The following PNPT1 variants were observed in gnomAD, a reference collection of about 807,000 sequenced individuals.
The protein encoded by PNPT1 is polyribonucleotide nucleotidyltransferase 1, also known as polyribonucleotide nucleotidyltransferase 1, mitochondrial.
A neutral mutation model predicts 119.5 loss-of-function variants in PNPT1; 53 were observed. The observed-to-expected ratio is 0.44, with a 90% CI of 0.36 to 0.56. The LOEUF (loss-of-function observed/expected upper bound fraction) is 0.56. Ranked by LOEUF, PNPT1 falls within the 20% of genes least tolerant of loss-of-function variation. The pLI, the probability that PNPT1 is intolerant of heterozygous loss-of-function variation, is 0.00. For synonymous variants in PNPT1, 357 were observed against 322.1 expected (o/e 1.11, Z -1.16); for missense variants, 948 against 938.5 (o/e 1.01, Z -0.13).
At chr2:55,671,924 A>G (rs1696928154) in intron 10 of PNPT1, 71 bp downstream of exon 10, 1 of 1,151,596 alleles carries the variant, frequency 8.7e-7, no homozygotes, top group African/African-American at 1.6e-5. Context: ...ATTCATAAAG[A>G]AAATTACATG....
chr2:55,689,906 T>C (rs1447189387), intron 1 of PNPT1, among the ~76,000 whole-genome samples: 1 of 152,172 alleles, frequency 6.6e-6, no homozygotes. Flanking sequence ...ATCTCAGCCT[T>C]GACCTCCCAG....
intron 12 of PNPT1, among the ~76,000 whole-genome samples, chr2:55,667,613 CA>C (rs1410730236): frequency 6.6e-6 from 1 of 150,886 alleles, no homozygotes; most frequent in African/African-American, 2.4e-5. Flanking sequence ...AACAAACAAA[CA>C]AAAAACTCTA....
In PNPT1 at chr2:55,692,438, A is replaced by G. The variant is rs72812147; in HGVS notation, c.161+1225T>C. Among the ~76,000 whole-genome samples, 242 of 152,308 alleles carry G rather than the reference A, an allele frequency of 1.6e-3. 2 individuals carry two copies. The Middle Eastern group carries it at 0.024, about 15-fold the overall frequency. On this transcript the variant is annotated intron_variant, in intron 1 of 27. Coordinates refer to ENST00000447944, the MANE Select transcript of PNPT1 (RefSeq NM_033109.5). ...TATGAACTGGGGTCCAAATTTTTTC[A>G]AAGTACACGTAAAAAATTTAGATAT...
chr2:55,667,349 C>G lies in PNPT1; in HGVS notation c.1074-256G>C, dbSNP rs552180726. ...GTGGCTCATGCCTATAATTCCAGCA[C>G]TTTTGGAGTCCGAGGCAGGCGGATC... is the stretch of plus-strand genomic sequence containing the variant. On this transcript the variant is annotated intron_variant, in intron 12 of 27. Coordinates refer to ENST00000447944, the MANE Select transcript of PNPT1 (RefSeq NM_033109.5). 7.9e-5 allele frequency among the ~76,000 whole-genome samples: 12 copies of G among 152,310 alleles called. No individual in the cohort carries two copies. The East Asian group carries it at 1.7e-3, about 22-fold the overall frequency.
chr2:55,660,670 C>G (rs972818878), intron 14 of PNPT1, among the ~76,000 whole-genome samples: 6 of 152,192 alleles, frequency 3.9e-5, no homozygotes, highest in Non-Finnish European at 8.8e-5. Context: ...CTAAAGGAAT[C>G]ACAGATTTGG....
chr2:55,656,852 G>A (rs761112237), intron 15 of PNPT1, among the ~76,000 whole-genome samples: 4 of 152,138 alleles, frequency 2.6e-5, no homozygotes, highest in Non-Finnish European at 4.4e-5. Flanking sequence ...TGGGAAAGTT[G>A]CATATTTTGA....
intron 26 of PNPT1, among the ~76,000 whole-genome samples, chr2:55,637,936 C>T (rs1695724542): frequency 6.9e-6 from 1 of 144,310 alleles, no homozygotes; most frequent in African/African-American, 2.6e-5. Context: ...GGAGGTGGAG[C>T]TTGCAGTGAG....
chr2:55,661,703 A>G (rs2104091241), intron 14 of PNPT1, among the ~76,000 whole-genome samples: 1 of 152,178 alleles, frequency 6.6e-6, no homozygotes, highest in East Asian at 1.9e-4. Context: ...ATCATTCTAG[A>G]GACAGAGAAC....
intron 18 of PNPT1, among the ~76,000 whole-genome samples, chr2:55,652,842 T>C (rs1696253883): frequency 6.6e-6 from 1 of 152,214 alleles, no homozygotes; most frequent in African/African-American, 2.4e-5. Flanking sequence ...CTTCTTTCTG[T>C]AGTCCCTTTC....
At chr2:55,680,983 T>C (rs909425319) in intron 5 of PNPT1, 65 bp from the exon 6 acceptor site, 138 of 1,324,614 alleles carry the variant, frequency 1.0e-4, no homozygotes, top group Non-Finnish European at 1.4e-4. Context: ...TGACCTAAAA[T>C]ACAAGAGCAC....
intron 1 of PNPT1, among the ~76,000 whole-genome samples, chr2:55,693,159 A>G (rs1697675809): frequency 6.6e-6 from 1 of 152,106 alleles, no homozygotes; most frequent in Non-Finnish European, 1.5e-5. Flanking sequence ...CAACTTCTAC[A>G]AGGTAGGCTC....
chr2:55,667,060 A>T lies in PNPT1; in HGVS notation c.1107T>A (p.Asn369Lys). ...CDGRDLTSLRNVSCEVDMFKT... is the reference protein window; with the variant it reads ...CDGRDLTSLRKVSCEVDMFKT... Reference sequence around the variant, plus strand: ...TAAACATATCTACCTCACAACTTACATTCCTAAGTGAAGTCAAATCCCGAC... The same window carrying T: ...TAAACATATCTACCTCACAACTTACTTTCCTAAGTGAAGTCAAATCCCGAC... The change falls in exon 13 of 28, where the codon AAT becomes AAA. Residue 369 changes from asparagine to lysine, a missense_variant. Asn to Lys is a moderately conservative substitution (Grantham distance 94). Coordinates refer to ENST00000447944, the MANE Select transcript of PNPT1 (RefSeq NM_033109.5). 1.2e-6 allele frequency: 2 copies of T among 1,612,588 alleles called. No individual in the cohort carries two copies. The highest frequency in any genetic ancestry group is 1.7e-5 in the Admixed American group (1 of 59,670).
chr2:55,661,962 G>A lies in PNPT1; in HGVS notation c.1241C>T (p.Ala414Val), dbSNP rs1225587809. The A allele has an allele frequency of 1.3e-6, 2 of 1,565,552 alleles. No homozygotes were observed. The highest frequency in any genetic ancestry group is 1.7e-6 in the Non-Finnish European group (2 of 1,163,404). The part of the protein sequence containing the change: ...SGIKSDQVIT[A>V]INGIKDKNFM... ...TCTTAAAAACATAACTTACTTTATA[G>A]CTGTTATAACTTGATCTGACTTAAT... The change falls in exon 14 of 28, where the codon GCT becomes GTT. Residue 414 changes from alanine to valine, a missense_variant. By Grantham distance (64) the Ala-to-Val change is moderately conservative (BLOSUM62 0). Coordinates refer to ENST00000447944, the MANE Select transcript of PNPT1 (RefSeq NM_033109.5).
chr2:55,656,649 TAAC>T (rs1327544573), intron 15 of PNPT1, among the ~76,000 whole-genome samples: 2 of 152,194 alleles, frequency 1.3e-5, no homozygotes, highest in Non-Finnish European at 2.9e-5. Context: ...TTTAAATTAT[TAAC>T]AATAACGTTA....
At chr2:55,677,490 A>G (rs1697109543) in intron 8 of PNPT1, among the ~76,000 whole-genome samples, 2 of 147,882 alleles carry the variant, frequency 1.4e-5, no homozygotes, top group South Asian at 4.5e-4. Context: ...GCTACTTGGG[A>G]GACTGAGGCA....
rs151166046 is a variant in PNPT1, at chr2:55,680,879, G to A, written c.493C>T (p.Pro165Ser). 210 of 1,613,898 alleles carry A rather than the reference G, an allele frequency of 1.3e-4. No individual in the cohort carries two copies. The Middle Eastern group carries it at 5.0e-3, about 38-fold the overall frequency. Residue 165 changes from proline (P) to serine (S), a missense_variant, in exon 6 of 28, where the codon CCT becomes TCT. Pro to Ser is a moderately conservative substitution (Grantham distance 74). Transcript: ENST00000447944. ...NLLAVDGVNE[P>S]DVLAINGASV... is the part of the protein sequence containing the mutation. ...CCGCCATTAATTGCTAGGACATCAG[G>A]CTCATTTACACCATCTACTGCTAAC...
At chr2:55,656,413 TAGAA>T (rs1696388920) in intron 15 of PNPT1, 42 bp from the exon 16 acceptor site, 1 of 1,501,390 alleles carries the variant, frequency 6.7e-7, no homozygotes, top group Non-Finnish European at 9.1e-7. Flanking sequence ...ACAATTGACA[TAGAA>T]AGATGTCCAA....
At chr2:55,654,041 G>A (rs7594212) in intron 18 of PNPT1, among the ~76,000 whole-genome samples, 21,266 of 151,998 alleles carry the variant, frequency 0.14, 3,020 homozygotes, top group African/African-American at 0.37. Context: ...GGTGGATCAC[G>A]AGGTCAGGAG....
chr2:55,666,295 G>A (rs1157988727), intron 13 of PNPT1, among the ~76,000 whole-genome samples: 1 of 152,106 alleles, frequency 6.6e-6, no homozygotes, highest in African/African-American at 2.4e-5. Context: ...GTCTGGCTTG[G>A]TAGTCCAGGC....
Sources: gnomAD v4.1 joint callset for allele counts (sites outside exome capture counted in the v4.1 genomes callset) on GRCh38, gnomAD v4.1.1 for gene constraint, MANE v1.5 for transcripts, NCBI Gene and HGNC (gene_info 2026-07-23, HGNC 2026-07-21) for gene names.